The following AEBP2 variants were observed in gnomAD, a reference collection of about 807,000 sequenced individuals.
AEBP2 encodes the protein AE binding protein 2, also known as zinc finger protein AEBP2.
A neutral mutation model predicts 50.8 loss-of-function variants in AEBP2; 10 were observed. The ratio of observed to expected loss-of-function variants is 0.20; its 90% CI spans 0.12 to 0.33. AEBP2 has a LOEUF of 0.33. Among genes scored for constraint, AEBP2 ranks in the 10% least tolerant of loss-of-function variants. AEBP2 has a pLI of 1.00. For synonymous variants in AEBP2, 296 were observed against 261.3 expected (o/e 1.13, Z -1.28); for missense variants, 570 against 688.0 (o/e 0.83, Z 1.92).
At chr12:19,476,611 G>C (rs1385969073) in intron 3 of AEBP2, among the ~76,000 whole-genome samples, 1 of 152,128 alleles carries the variant, frequency 6.6e-6, no homozygotes, top group Non-Finnish European at 1.5e-5. Flanking sequence ...CAAAATGCTG[G>C]GATTACAGGC....
At chr12:19,418,656 A>G (rs1475837335) in intron 1 of AEBP2, among the ~76,000 whole-genome samples, 2 of 152,170 alleles carry the variant, frequency 1.3e-5, no homozygotes, top group African/African-American at 4.8e-5. Context: ...AAAACAATGT[A>G]TACATCACAT....
At chr12:19,501,285 C>T (rs1409455763) in intron 5 of AEBP2, among the ~76,000 whole-genome samples, 11 of 149,680 alleles carry the variant, frequency 7.3e-5, no homozygotes, top group Admixed American at 2.7e-4. Context: ...GAGCCGAGAT[C>T]GCACCACTGC....
chr12:19,503,364 A>T (rs1190526172), intron 5 of AEBP2, among the ~76,000 whole-genome samples: 1 of 150,972 alleles, frequency 6.6e-6, no homozygotes, highest in East Asian at 1.9e-4. Context: ...TGTGTGTGTT[A>T]TGGTGAATGG....
At chr12:19,423,113 TAA>T (rs1309722241) in intron 1 of AEBP2, among the ~76,000 whole-genome samples, 1 of 126,478 alleles carries the variant, frequency 7.9e-6, no homozygotes, top group African/African-American at 3.1e-5. Flanking sequence ...GACCAGAGTA[TAA>T]GTTTCATGAG....
intron 1 of AEBP2, among the ~76,000 whole-genome samples, chr12:19,444,034 T>C (rs1257343414): frequency 6.6e-6 from 1 of 152,190 alleles, no homozygotes; most frequent in Non-Finnish European, 1.5e-5. Flanking sequence ...TATTTAGCTA[T>C]GTGAAACCGC....
chr12:19,468,760 CTT>C (rs946338316), intron 2 of AEBP2, among the ~76,000 whole-genome samples: 3 of 152,144 alleles, frequency 2.0e-5, no homozygotes, highest in Non-Finnish European at 4.4e-5. Flanking sequence ...TTCTTATTCA[CTT>C]TGGGCATTTT....
rs1254271883 is a variant in AEBP2 at position 19,519,840 on chromosome 12, T to C, written c.*1723T>C. Reference sequence around the variant, plus strand: ...GCTATATACATGAAAATGAGTCTTATAAAATTAAGTGAAGTGCAAATAAAA... The same window carrying C: ...GCTATATACATGAAAATGAGTCTTACAAAATTAAGTGAAGTGCAAATAAAA... On this transcript the variant is annotated 3_prime_UTR_variant, in exon 8 of 8. Coordinates refer to ENST00000266508, the MANE Select transcript of AEBP2 (RefSeq NM_153207.5). The C allele has an allele frequency of 1.3e-5, 2 of 152,358 alleles. No homozygotes were observed. The highest frequency in any genetic ancestry group is 2.9e-5 in the Non-Finnish European group (2 of 67,956). The allele number at this position is 152,358 out of a possible 1,614,324, so 9.4% of individuals were successfully genotyped here. A position where few individuals can be genotyped will look rare whatever the true frequency, so the allele number is the denominator to read the frequency against.
Position 19,494,005 on chromosome 12 carries a change from A to G in AEBP2, c.1174+19A>G. 1 of 1,521,272 alleles carries G rather than the reference A, an allele frequency of 6.6e-7. No individual in the cohort carries two copies. Among genetic ancestry groups the G allele is most frequent in the Non-Finnish European group, 8.9e-7 (1 of 1,127,186 alleles). The allele number at this position is 1,521,272 out of a possible 1,614,324, so 94.2% of individuals were successfully genotyped here. ...TCATTACGTAAGTGTTACACTGAGA[A>G]AATCTGGTGTATTTCATGGTTTTAA... On this transcript the variant is annotated intron_variant, in intron 4 of 7. Coordinates refer to ENST00000266508, the MANE Select transcript of AEBP2 (RefSeq NM_153207.5).
intron 7 of AEBP2, among the ~76,000 whole-genome samples, chr12:19,517,279 AAATG>A (rs1356201193): frequency 7.2e-5 from 11 of 152,184 alleles, no homozygotes; most frequent in African/African-American, 2.4e-4. Flanking sequence ...GCACATGTCA[AAATG>A]AAAGTATGGC....
chr12:19,479,716 GGTTTTTT>G (rs1470618046), intron 3 of AEBP2, among the ~76,000 whole-genome samples: 1 of 29,894 alleles, frequency 3.3e-5, no homozygotes, highest in Non-Finnish European at 8.0e-5. Context: ...CCTCTTTGTG[GGTTTTTT>G]TTTTTTTTTT....
At position 19,428,419 on chromosome 12, in the gene AEBP2, C is replaced by G. The variant is rs537420794; in HGVS notation, c.-17+24203C>G. Among the ~76,000 whole-genome samples, 111 of 152,186 alleles carry G rather than the reference C, an allele frequency of 7.3e-4. 1 individual carries two copies. Among genetic ancestry groups the G allele is most frequent in the Non-Finnish European group, 1.4e-3 (92 of 68,038 alleles). On this transcript the variant is annotated intron_variant, in intron 1 of 3. Coordinates refer to the AEBP2 transcript ENST00000538425. ...CATGGCTGAGGTTGCTTCACCTTCA[C>G]CATCATGTCTGTGTCCCAGCCCATG...
intron 2 of AEBP2, among the ~76,000 whole-genome samples, chr12:19,472,780 AT>A (rs1486259791): frequency 6.6e-6 from 1 of 152,162 alleles, no homozygotes; most frequent in Non-Finnish European, 1.5e-5. Flanking sequence ...GAAGTTGAAA[AT>A]ATCAGTATCT....
rs1213431014 is a variant in AEBP2 at position 19,439,611 on chromosome 12, T to C, written c.-89T>C. 9.6e-6 allele frequency: 14 copies of C among 1,453,648 alleles called. No individual in the cohort carries two copies. The highest frequency in any genetic ancestry group is 5.4e-5 in the East Asian group (2 of 36,868). 90.0% of individuals were successfully genotyped at this position (1,453,648 alleles called of 1,614,324 possible). A position where few individuals can be genotyped will look rare whatever the true frequency, so the allele number is the denominator to read the frequency against. The stretch of plus-strand genomic sequence containing the variant: ...CTCTGCAGCGGCGTCGGCGGAGTTT[T>C]GGGCGTTTGGGAGGGGGGCGAGGGA... On this transcript the variant is annotated 5_prime_UTR_variant, in exon 1 of 8. Transcript: ENST00000266508.
At chr12:19,418,957 A>G (rs553366520) in intron 1 of AEBP2, 1 of 152,606 alleles carries the variant, frequency 6.6e-6, no homozygotes, top group African/African-American at 2.4e-5. Context: ...ATTTTCGTCA[A>G]TATCTCAAAG....
chr12:19,478,564 A>G (rs373533139), intron 3 of AEBP2, among the ~76,000 whole-genome samples: 62 of 152,338 alleles, frequency 4.1e-4, no homozygotes, highest in African/African-American at 1.4e-3. Flanking sequence ...TGCTGGAATT[A>G]TAGACGTCAA....
chr12:19,515,710 C>T (rs188371307), intron 7 of AEBP2, among the ~76,000 whole-genome samples: 47 of 152,212 alleles, frequency 3.1e-4, no homozygotes, highest in African/African-American at 1.0e-3. Flanking sequence ...TGCTATTCAC[C>T]TGGAGATTTC....
At chr12:19,416,281 T>G (rs1225731212) in intron 1 of AEBP2, among the ~76,000 whole-genome samples, 5 of 152,236 alleles carry the variant, frequency 3.3e-5, no homozygotes, top group Non-Finnish European at 7.3e-5. Flanking sequence ...TGGTTCAGGT[T>G]AGTTTGGAAT....
intron 3 of AEBP2, among the ~76,000 whole-genome samples, chr12:19,489,611 G>A (rs188701383): frequency 1.3e-5 from 2 of 152,234 alleles, no homozygotes; most frequent in East Asian, 3.9e-4. Flanking sequence ...ATATATTTAT[G>A]AGTGAAAATA....
At chr12:19,501,799 T>TTGTTTG (rs201190757) in intron 5 of AEBP2, among the ~76,000 whole-genome samples, 9 of 75,104 alleles carry the variant, frequency 1.2e-4, no homozygotes, top group South Asian at 4.5e-4. Flanking sequence ...ATGAGTTTGT[T>TTGTTTG]TTTTTTTTTT....
Sources: gnomAD v4.1 joint callset for allele counts (sites outside exome capture counted in the v4.1 genomes callset) on GRCh38, gnomAD v4.1.1 for gene constraint, MANE v1.5 for transcripts, NCBI Gene and HGNC (gene_info 2026-07-23, HGNC 2026-07-21) for gene names.